Variants in PURB observed in about 807,000 individuals in gnomAD.
PURB encodes the protein purine rich element binding protein B, also known as transcriptional regulator protein Pur-beta.
A neutral mutation model predicts 21.1 loss-of-function variants in PURB; 11 were observed. The observed-to-expected ratio is 0.52, with a 90% CI of 0.33 to 0.86. The LOEUF (loss-of-function observed/expected upper bound fraction) is 0.86, where lower values mean the gene tolerates loss of function less well. Among genes scored for constraint, PURB ranks in the 40% least tolerant of loss-of-function variants. PURB has a pLI of 0.02. For missense variants in PURB, 357 were observed against 456.5 expected (o/e 0.78, Z 1.99); for synonymous variants, 246 against 210.8 (o/e 1.17, Z -1.45).
At position 44,885,355 on chromosome 7, in the gene PURB, G is replaced by GGCC. The variant is rs1057259527; in HGVS notation, c.-10_-8dup. ...CGCTGTCGCCGTCCGCCATCTTCTAGGCCGCCGCCTCGCCGCCACCGCCCG... is the reference window on the plus strand; with the variant it reads ...CGCTGTCGCCGTCCGCCATCTTCTAGGCCGCCGCCGCCTCGCCGCCACCGCCCG... On this transcript the variant is annotated 5_prime_UTR_variant, in exon 1 of 1. Coordinates refer to ENST00000395699, the MANE Select transcript of PURB (RefSeq NM_033224.5). 2 of 1,171,370 alleles carry GGCC rather than the reference G, an allele frequency of 1.7e-6. No individual in the cohort carries two copies. Among genetic ancestry groups the GGCC allele is most frequent in the African/African-American group, 3.2e-5 (2 of 62,192 alleles). The allele number at this position is 1,171,370 out of a possible 1,614,324, so 72.6% of individuals were successfully genotyped here.
chr7:44,883,212 G>C lies in PURB; in HGVS notation c.*1198C>G, dbSNP rs1793905277. ...TAAATGATGCTGGAATTCTGGACCT[G>C]AGGATCTTTAGTATTTGAACAAATC... is the stretch of plus-strand genomic sequence containing the variant. On this transcript the variant is annotated 3_prime_UTR_variant, in exon 1 of 1. Transcript: ENST00000395699. The C allele has an allele frequency of 6.6e-6, 1 of 152,614 alleles. No homozygotes were observed. Among genetic ancestry groups the C allele is most frequent in the Non-Finnish European group, 1.5e-5 (1 of 68,034 alleles). The allele number at this position is 152,614 out of a possible 1,614,324, so 9.5% of individuals were successfully genotyped here. A position where few individuals can be genotyped will look rare whatever the true frequency, so the allele number is the denominator to read the frequency against.
In PURB at chr7:44,880,018, G is replaced by A. The variant is rs911562165; in HGVS notation, c.*4392C>T. The A allele has an allele frequency of 6.6e-6, 1 of 152,158 alleles. No homozygotes were observed. The highest frequency in any genetic ancestry group is 1.5e-5 in the Non-Finnish European group (1 of 68,006). 9.4% of individuals were successfully genotyped at this position (152,158 alleles called of 1,614,324 possible). A position where few individuals can be genotyped will look rare whatever the true frequency, so the allele number is the denominator to read the frequency against. ...GACTTTTAGGGTGTACGAAATTAAA[G>A]TTGTTTTAAGAATTAAAAATAGTGG... On this transcript the variant is annotated 3_prime_UTR_variant, in exon 1 of 1. Coordinates refer to ENST00000395699, the MANE Select transcript of PURB (RefSeq NM_033224.5).
Position 44,884,902 on chromosome 7 carries a change from C to T in PURB, c.447G>A (p.Thr149=). ...CGAAGCCGCCACCGCCGCGGTTGACCGTTTGGCGGATGCGCAGGAAGCGGC... is the reference window on the plus strand; with the variant it reads ...CGAAGCCGCCACCGCCGCGGTTGACTGTTTGGCGGATGCGCAGGAAGCGGC... The part of the protein sequence containing the change: ...QRGRFLRIRQ[T]VNRGGGGFGA... Residue 149 remains threonine (T), a synonymous_variant, in exon 1 of 1, where the codon ACG becomes ACA. Transcript: ENST00000395699. 6.3e-7 allele frequency: 1 copy of T among 1,575,248 alleles called. No homozygotes were observed. The highest frequency in any genetic ancestry group is 8.6e-7 in the Non-Finnish European group (1 of 1,163,384).
Position 44,881,692 on chromosome 7 carries a change from C to T in PURB, c.*2718G>A, listed in dbSNP as rs770777765. ...CTAAAGATTTACATATGATATATTACTGTTACATGGTCTAATGACTAAGAA... is the reference window on the plus strand; with the variant it reads ...CTAAAGATTTACATATGATATATTATTGTTACATGGTCTAATGACTAAGAA... On this transcript the variant is annotated 3_prime_UTR_variant, in exon 1 of 1. Transcript: ENST00000395699. 2 of 153,658 alleles carry T rather than the reference C, an allele frequency of 1.3e-5. No individual in the cohort carries two copies. The highest frequency in any genetic ancestry group is 2.9e-5 in the Non-Finnish European group (2 of 68,208). The allele number at this position is 153,658 out of a possible 1,614,324, so 9.5% of individuals were successfully genotyped here.
rs1434092919 is a variant in PURB at position 44,878,624 on chromosome 7, T to A, written c.*5786A>T. 6.5e-6 allele frequency: 1 copy of A among 152,686 alleles called. No homozygotes were observed. Among genetic ancestry groups the A allele is most frequent in the African/African-American group, 2.4e-5 (1 of 41,478 alleles). 9.5% of individuals were successfully genotyped at this position (152,686 alleles called of 1,614,324 possible). On this transcript the variant is annotated 3_prime_UTR_variant, in exon 1 of 1. Coordinates refer to ENST00000395699, the MANE Select transcript of PURB (RefSeq NM_033224.5). ...TTAAATGACTGTGAATAGAGGTGAT[T>A]ACACTGATGGCATATTCCCTATTTC...
Position 44,884,365 on chromosome 7 carries a change from A to AG in PURB, c.*44dup. On this transcript the variant is annotated 3_prime_UTR_variant, in exon 1 of 1. Transcript: ENST00000395699. Reference sequence around the variant, plus strand: ...AGCAGGAAAGGGAATTCTCTAGCCAAGGGGATGGTGGTTGGGTGGAGGCCT... The same window carrying AG: ...AGCAGGAAAGGGAATTCTCTAGCCAAGGGGGATGGTGGTTGGGTGGAGGCCT... The AG allele has an allele frequency of 6.3e-7, 1 of 1,591,682 alleles. No individual in the cohort carries two copies. The highest frequency in any genetic ancestry group is 8.5e-7 in the Non-Finnish European group (1 of 1,169,768).
In PURB at chr7:44,880,588, A is replaced by G. The variant is rs1793862387; in HGVS notation, c.*3822T>C. 1 of 152,672 alleles carries G rather than the reference A, an allele frequency of 6.5e-6. No individual in the cohort carries two copies. Among genetic ancestry groups the G allele is most frequent in the Non-Finnish European group, 1.5e-5 (1 of 68,048 alleles). 9.5% of individuals were successfully genotyped at this position (152,672 alleles called of 1,614,324 possible). A position where few individuals can be genotyped will look rare whatever the true frequency, so the allele number is the denominator to read the frequency against. On this transcript the variant is annotated 3_prime_UTR_variant, in exon 1 of 1. Transcript: ENST00000395699. ...GTGCCTGAAGTGTGCAGCCGTTTAC[A>G]GACCACTCAATATGAGGGCATTATT... is the stretch of plus-strand genomic sequence containing the variant.
chr7:44,885,064 C>A lies in PURB; in HGVS notation c.285G>T (p.Ala95=). The part of the protein sequence containing the change: ...DSLGDFIEHY[A]QLGPSSPEQL... ...GCTCGGGGCTGCTAGGGCCCAGCTG[C>A]GCGTAGTGTTCTATGAAGTCGCCCA... The change falls in exon 1 of 1, where the codon GCG becomes GCT. Residue 95 remains alanine, a synonymous_variant. Coordinates refer to ENST00000395699, the MANE Select transcript of PURB (RefSeq NM_033224.5). 2 of 1,571,530 alleles carry A rather than the reference C, an allele frequency of 1.3e-6. No homozygotes were observed. The highest frequency in any genetic ancestry group is 1.7e-6 in the Non-Finnish European group (2 of 1,163,054).
Position 44,884,548 on chromosome 7 carries a change from C to T in PURB, c.801G>A (p.Lys267=), listed in dbSNP as rs1384229234. 1.9e-6 allele frequency: 3 copies of T among 1,614,106 alleles called. No homozygotes were observed. The highest frequency in any genetic ancestry group is 2.5e-6 in the Non-Finnish European group (3 of 1,180,056). The stretch of plus-strand genomic sequence containing the variant: ...CATACCGGCAAAAGGCGCCTCCGAA[C>T]TTGCCCCAGGCTTTGAAGGGTACGG... ...AITVPFKAWG[K]FGGAFCRYAD... Residue 267 remains lysine (K), a synonymous_variant, in exon 1 of 1, where the codon AAG becomes AAA. Coordinates refer to ENST00000395699, the MANE Select transcript of PURB (RefSeq NM_033224.5).
In PURB at chr7:44,884,043, T is replaced by A. The variant is rs1793918794; in HGVS notation, c.*367A>T. ...ACCTAAATGCAACTGTTATCAATGGTCTGGGTAACTTGGACATGTTTCTTG... is the reference window on the plus strand; with the variant it reads ...ACCTAAATGCAACTGTTATCAATGGACTGGGTAACTTGGACATGTTTCTTG... On this transcript the variant is annotated 3_prime_UTR_variant, in exon 1 of 1. Coordinates refer to ENST00000395699, the MANE Select transcript of PURB (RefSeq NM_033224.5). 3.5e-6 allele frequency: 1 copy of A among 281,902 alleles called. No homozygotes were observed. The allele number at this position is 281,902 out of a possible 1,614,324, so 17.5% of individuals were successfully genotyped here. A position where few individuals can be genotyped will look rare whatever the true frequency, so the allele number is the denominator to read the frequency against.
chr7:44,884,735 CCCGGGCCGCCTG>C lies in PURB; in HGVS notation c.602_613del (p.Ala201_Pro204del). 6.2e-7 allele frequency: 1 copy of C among 1,611,888 alleles called. No homozygotes were observed. The highest frequency in any genetic ancestry group is 8.5e-7 in the Non-Finnish European group (1 of 1,179,500). On this transcript the variant is annotated inframe_deletion, in exon 1 of 1. Coordinates refer to ENST00000395699, the MANE Select transcript of PURB (RefSeq NM_033224.5). ...GCCCCCTGGGCCCCCGGCGCCGCCTCCCGGGCCGCCTGCCAGCTCGTCGTCCTCGCCTCCGTA... is the reference window on the plus strand; with the variant it reads ...GCCCCCTGGGCCCCCGGCGCCGCCTCCCAGCTCGTCGTCCTCGCCTCCGTA...
Position 44,884,715 on chromosome 7 carries a change from C to T in PURB, c.634G>A (p.Gly212Arg). ...GGGAGCTCTCCATACAGGCCGCCCC[C>T]TGGGCCCCCGGCGCCGCCTCCCGGG... ...GGPGGGAGGP[G>R]GGLYGELPEG... The change falls in exon 1 of 1, where the codon GGG becomes AGG. Residue 212 changes from glycine (G) to arginine (R), a missense_variant. Physicochemically the swap from Gly to Arg is moderately radical, Grantham distance 125. Coordinates refer to ENST00000395699, the MANE Select transcript of PURB (RefSeq NM_033224.5). 1.2e-6 allele frequency: 2 copies of T among 1,613,214 alleles called. No individual in the cohort carries two copies.
At position 44,878,491 on chromosome 7, in the gene PURB, T is replaced by C. The variant is rs983385596; in HGVS notation, c.*5919A>G. The C allele has an allele frequency of 1.3e-5, 2 of 152,424 alleles. No individual in the cohort carries two copies. Among genetic ancestry groups the C allele is most frequent in the Non-Finnish European group, 2.9e-5 (2 of 68,028 alleles). The allele number at this position is 152,424 out of a possible 1,614,324, so 9.4% of individuals were successfully genotyped here. ...GCTCTGCTCTTATTAGAAATCATATTGAGCAGTGAAACTACCAATATGGCA... is the reference window on the plus strand; with the variant it reads ...GCTCTGCTCTTATTAGAAATCATATCGAGCAGTGAAACTACCAATATGGCA... On this transcript the variant is annotated 3_prime_UTR_variant, in exon 1 of 1. Transcript: ENST00000395699.
Position 44,885,165 on chromosome 7 carries a change from C to A in PURB, c.184G>T (p.Ala62Ser), listed in dbSNP as rs759697856. The A allele has an allele frequency of 1.9e-6, 3 of 1,581,688 alleles. No individual in the cohort carries two copies. The highest frequency in any genetic ancestry group is 1.7e-6 in the Non-Finnish European group (2 of 1,169,104). The change falls in exon 1 of 1, where the codon GCC becomes TCC. Residue 62 changes from alanine (A) to serine (S), a missense_variant. Transcript: ENST00000395699. ...QNAKGRFLKI[A>S]EVGAGGSKSR... ...TTGGAACCGCCCGCGCCCACCTCGG[C>A]GATCTTGAGGAAGCGGCCCTTGGCG... is the stretch of plus-strand genomic sequence containing the variant.
rs1478527999 is a variant in PURB, at chr7:44,885,023, G to A, written c.326C>T (p.Ala109Val). Residue 109 changes from alanine (A) to valine (V), a missense_variant, in exon 1 of 1, where the codon GCC (alanine) becomes GTC (valine). Transcript: ENST00000395699. ...GCGCCGCGGCCCGCCGCCCTCCTCG[G>A]CGCCAGCCGCCAGCTGCTCGGGGCT... ...PSSPEQLAAGAEEGGGPRRAL... is the reference protein window; with the variant it reads ...PSSPEQLAAGVEEGGGPRRAL... The A allele has an allele frequency of 2.6e-6, 4 of 1,544,484 alleles. No homozygotes were observed. The South Asian group carries it at 4.7e-5, about 18-fold the overall frequency.
chr7:44,880,212 A>AACAT lies in PURB; in HGVS notation c.*4197_*4198insATGT, dbSNP rs4049341. On this transcript the variant is annotated 3_prime_UTR_variant, in exon 1 of 1. Transcript: ENST00000395699. Reference sequence around the variant, plus strand: ...CCAATCAAAAAGGAGACCGATCACTATATACCAAGAGTGCTGCAGAAAGAC... The same window carrying AACAT: ...CCAATCAAAAAGGAGACCGATCACTAACATTATACCAAGAGTGCTGCAGAAAGAC... 0.99 allele frequency: 150,591 copies of AACAT among 152,368 alleles called. 74,419 individuals carry two copies. The highest frequency in any genetic ancestry group is 1 in the East Asian group (5,190 of 5,190). 9.4% of individuals were successfully genotyped at this position (152,368 alleles called of 1,614,324 possible).
In PURB at chr7:44,884,587, G is replaced by A; in HGVS notation, c.762C>T (p.Tyr254=). ...FLRVSEVKPS[Y]RNAITVPFKA... The stretch of plus-strand genomic sequence containing the variant: ...TGAAGGGTACGGTGATGGCATTGCG[G>A]TAGGACGGCTTCACCTCGCTCACTC... The change falls in exon 1 of 1, where the codon TAC becomes TAT. Residue 254 remains tyrosine (Y), a synonymous_variant. Transcript: ENST00000395699. 1 of 1,614,234 alleles carries A rather than the reference G, an allele frequency of 6.2e-7. No homozygotes were observed. Among genetic ancestry groups the A allele is most frequent in the Non-Finnish European group, 8.5e-7 (1 of 1,180,036 alleles).
rs1349836121 is a variant in PURB, at chr7:44,880,713, C to T, written c.*3697G>A. ...AAGCTTAAATCTCTTAAAAGACCTG[C>T]AATTTACTGCAAAGTAATCCAGAGG... On this transcript the variant is annotated 3_prime_UTR_variant, in exon 1 of 1. Coordinates refer to ENST00000395699, the MANE Select transcript of PURB (RefSeq NM_033224.5). 1.3e-5 allele frequency: 2 copies of T among 152,592 alleles called. No homozygotes were observed. The highest frequency in any genetic ancestry group is 2.9e-5 in the Non-Finnish European group (2 of 68,038). 9.5% of individuals were successfully genotyped at this position (152,592 alleles called of 1,614,324 possible).
rs56066170 is a variant in PURB at position 44,883,138 on chromosome 7, T to C, written c.*1272A>G. The C allele has an allele frequency of 0.048, 7,329 of 152,670 alleles. 241 individuals carry two copies. The highest frequency in any genetic ancestry group is 0.075 in the Admixed American group (1,150 of 15,284). 9.5% of individuals were successfully genotyped at this position (152,670 alleles called of 1,614,324 possible). A position where few individuals can be genotyped will look rare whatever the true frequency, so the allele number is the denominator to read the frequency against. On this transcript the variant is annotated 3_prime_UTR_variant, in exon 1 of 1. Coordinates refer to ENST00000395699, the MANE Select transcript of PURB (RefSeq NM_033224.5). ...CTCATCCATCATTTGCCAACTCTGATTGTGAGGTACTGATACAATGGATCA... is the reference window on the plus strand; with the variant it reads ...CTCATCCATCATTTGCCAACTCTGACTGTGAGGTACTGATACAATGGATCA...
Sources: gnomAD v4.1 joint callset for allele counts on GRCh38, gnomAD v4.1.1 for gene constraint, MANE v1.5 for transcripts, NCBI Gene and HGNC (gene_info 2026-07-23, HGNC 2026-07-21) for gene names.